The following HIPK2 variants were observed in gnomAD, a reference collection of about 807,000 sequenced individuals.
HIPK2 encodes the protein homeodomain interacting protein kinase 2.
Under a neutral mutation model 113.7 loss-of-function variants are expected in HIPK2, and 27 were observed. The ratio of observed to expected loss-of-function variants is 0.24; its 90% CI spans 0.17 to 0.33. HIPK2 has a LOEUF of 0.33. Among genes scored for constraint, HIPK2 ranks in the 10% least tolerant of loss-of-function variants. HIPK2 has a pLI of 1.00. For synonymous variants in HIPK2, 631 were observed against 642.2 expected, an observed-to-expected ratio of 0.98 and a Z score of 0.26; for missense variants, 1,257 against 1,588.0, an observed-to-expected ratio of 0.79 and a Z score of 3.54.
chr7:139,678,884 G>C (rs1802601797), intron 2 of HIPK2, among the ~76,000 whole-genome samples: 1 of 152,156 alleles, frequency 6.6e-6, no homozygotes, highest in South Asian at 2.1e-4. Context: ...CACATCCCTT[G>C]TAAGTTGGAT....
At chr7:139,610,982 T>C (rs758437575) in intron 9 of HIPK2, among the ~76,000 whole-genome samples, 2 of 152,244 alleles carry the variant, frequency 1.3e-5, no homozygotes, top group South Asian at 4.1e-4. Context: ...TATCAATTCG[T>C]TGCAAGATCC....
intron 6 of HIPK2, among the ~76,000 whole-genome samples, chr7:139,622,538 G>C (rs947714113): frequency 6.6e-6 from 1 of 152,188 alleles, no homozygotes; most frequent in Non-Finnish European, 1.5e-5. Flanking sequence ...GAAAGGGCAA[G>C]TCCTTTCACT....
intron 7 of HIPK2, among the ~76,000 whole-genome samples, chr7:139,615,163 A>G (rs964861130): frequency 6.6e-6 from 1 of 152,256 alleles, no homozygotes; most frequent in African/African-American, 2.4e-5. Flanking sequence ...AGCTTGGCAC[A>G]GGAGCACATG....
chr7:139,673,352 A>G (rs1474209732), intron 2 of HIPK2, among the ~76,000 whole-genome samples: 1 of 152,214 alleles, frequency 6.6e-6, no homozygotes, highest in African/African-American at 2.4e-5. Flanking sequence ...ATTCTCTCGC[A>G]TAATCTGTCA....
rs1364363721 is a variant in HIPK2, at chr7:139,565,504, C to T, written c.*7423G>A. ...ATCTAGTCCTAAGCATTTCTACATT[C>T]TCACCATCTTTCAATCAAAATAAAA... On this transcript the variant is annotated 3_prime_UTR_variant, in exon 15 of 15. Transcript: ENST00000406875. 1 of 152,118 alleles carries T rather than the reference C, an allele frequency of 6.6e-6. No individual in the cohort carries two copies. The highest frequency in any genetic ancestry group is 2.4e-5 in the African/African-American group (1 of 41,434). 9.4% of individuals were successfully genotyped at this position (152,118 alleles called of 1,614,324 possible).
Position 139,582,367 on chromosome 7 carries a change from G to A in HIPK2, c.2965+1450C>T, listed in dbSNP as rs77892559. ...CCTGAAGGTAAGGTCTCCTTCTTCC[G>A]AGAGAGCACAGCGCGAGCTGCGTGC... On this transcript the variant is annotated intron_variant, in intron 13 of 14. Coordinates refer to ENST00000406875, the MANE Select transcript of HIPK2 (RefSeq NM_022740.5). 1.3e-3 allele frequency among the ~76,000 whole-genome samples: 191 copies of A among 152,338 alleles called. 2 individuals carry two copies. Among genetic ancestry groups the A allele is most frequent in the African/African-American group, 4.3e-3 (178 of 41,588 alleles).
chr7:139,565,567 G>A lies in HIPK2; in HGVS notation c.*7360C>T, dbSNP rs1798064909. On this transcript the variant is annotated 3_prime_UTR_variant, in exon 15 of 15. Transcript: ENST00000406875. ...TTCTGTTAATCTCATACCAGGGCAAGAGACACGCCTTCCTTTTATCATGAA... is the reference window on the plus strand; with the variant it reads ...TTCTGTTAATCTCATACCAGGGCAAAAGACACGCCTTCCTTTTATCATGAA... The A allele has an allele frequency of 6.6e-6, 1 of 152,178 alleles. No homozygotes were observed. The highest frequency in any genetic ancestry group is 2.4e-5 in the African/African-American group (1 of 41,426). 9.4% of individuals were successfully genotyped at this position (152,178 alleles called of 1,614,324 possible). A position where few individuals can be genotyped will look rare whatever the true frequency, so the allele number is the denominator to read the frequency against.
At chr7:139,618,798 A>G (rs1800143436) in intron 7 of HIPK2, among the ~76,000 whole-genome samples, 1 of 152,190 alleles carries the variant, frequency 6.6e-6, no homozygotes, top group Non-Finnish European at 1.5e-5. Context: ...TGTTTCACAG[A>G]TGCCTTTGAT....
At chr7:139,637,256 C>T (rs1800844622) in intron 2 of HIPK2, among the ~76,000 whole-genome samples, 1 of 152,210 alleles carries the variant, frequency 6.6e-6, no homozygotes, top group African/African-American at 2.4e-5. Context: ...CACCCCACCC[C>T]CTTGCCGTAA....
chr7:139,563,666 T>C lies in HIPK2; in HGVS notation c.*9261A>G. ...CAACACCACCACACAAACAGGAAAG[T>C]GGGAGTATGATTAGGAGGGGTGAGA... On this transcript the variant is annotated 3_prime_UTR_variant, in exon 15 of 15. Coordinates refer to ENST00000406875, the MANE Select transcript of HIPK2 (RefSeq NM_022740.5). 2.5e-6 allele frequency: 1 copy of C among 396,422 alleles called. No individual in the cohort carries two copies. The allele number at this position is 396,422 out of a possible 1,614,324, so 24.6% of individuals were successfully genotyped here.
intron 2 of HIPK2, among the ~76,000 whole-genome samples, chr7:139,708,145 A>G (rs1794961205): frequency 6.6e-6 from 1 of 152,030 alleles, no homozygotes; most frequent in South Asian, 2.1e-4. Flanking sequence ...GGTCTACACT[A>G]CACCCTGGTG....
Position 139,600,533 on chromosome 7 carries a change from A to G in HIPK2, c.2319T>C (p.Gly773=). ...PIMQQPALLT[G]HVTLPAAQPL... Reference sequence around the variant, plus strand: ...GCTGTGCTGCTGGAAGGGTCACATGACCGGTCAATAGTGCAGGCTGCTGCA... The same window carrying G: ...GCTGTGCTGCTGGAAGGGTCACATGGCCGGTCAATAGTGCAGGCTGCTGCA... The change falls in exon 11 of 15, where the codon GGT becomes GGC. Residue 773 remains glycine, a synonymous_variant. Transcript: ENST00000406875. 6.2e-7 allele frequency: 1 copy of G among 1,613,960 alleles called. No individual in the cohort carries two copies. The highest frequency in any genetic ancestry group is 1.3e-5 in the African/African-American group (1 of 75,032).
In HIPK2 at chr7:139,775,877, C is replaced by T. The variant is rs557631477; in HGVS notation, c.19+1728G>A. 4.6e-5 allele frequency among the ~76,000 whole-genome samples: 7 copies of T among 152,238 alleles called. 1 individual carries two copies. The South Asian group carries it at 1.5e-3, about 32-fold the overall frequency. On this transcript the variant is annotated intron_variant, in intron 1 of 14. Coordinates refer to ENST00000406875, the MANE Select transcript of HIPK2 (RefSeq NM_022740.5). Reference sequence around the variant, plus strand: ...TTCCACAAAGTTGACAAAATACACCCCAACTCACATACCCGGTCCCTAGTA... The same window carrying T: ...TTCCACAAAGTTGACAAAATACACCTCAACTCACATACCCGGTCCCTAGTA...
intron 1 of HIPK2, among the ~76,000 whole-genome samples, chr7:139,723,675 A>C (rs1469370776): frequency 6.6e-6 from 1 of 152,190 alleles, no homozygotes; most frequent in Non-Finnish European, 1.5e-5. Flanking sequence ...TAAATTATCT[A>C]CTGGAAGATC....
At chr7:139,709,121 T>C (rs142755447) in intron 2 of HIPK2, among the ~76,000 whole-genome samples, 2 of 152,276 alleles carry the variant, frequency 1.3e-5, no homozygotes, top group East Asian at 1.9e-4. Context: ...ACATAACTTA[T>C]TGATTACTTC....
chr7:139,634,879 T>C (rs2116320014), intron 2 of HIPK2, among the ~76,000 whole-genome samples: 1 of 152,062 alleles, frequency 6.6e-6, no homozygotes, highest in East Asian at 1.9e-4. Flanking sequence ...GTTTTCACCA[T>C]GTTGGCCAGG....
At chr7:139,745,677 T>A (rs970043919) in intron 1 of HIPK2, among the ~76,000 whole-genome samples, 2 of 152,150 alleles carry the variant, frequency 1.3e-5, no homozygotes, top group African/African-American at 4.8e-5. Flanking sequence ...CATTCCCCAG[T>A]GGCTGAGGCT....
intron 6 of HIPK2, among the ~76,000 whole-genome samples, chr7:139,625,511 C>G (rs1800395782): frequency 6.6e-6 from 1 of 152,228 alleles, no homozygotes; most frequent in African/African-American, 2.4e-5. Context: ...ACGGCCTGCC[C>G]TGGCTGACTG....
intron 1 of HIPK2, among the ~76,000 whole-genome samples, chr7:139,770,502 G>A (rs75350517): frequency 0.029 from 4,415 of 152,308 alleles, 191 homozygotes; most frequent in African/African-American, 0.1. Flanking sequence ...AAATATTAGT[G>A]TGAAGGAAAA....
Sources: allele counts gnomAD v4.1 joint callset (sites outside exome capture counted in the v4.1 genomes callset), GRCh38; gene constraint gnomAD v4.1.1; transcripts MANE v1.5; gene names NCBI Gene and HGNC (gene_info 2026-07-23, HGNC 2026-07-21).